The following CUL3 variants were observed in gnomAD, a reference collection of about 807,000 sequenced individuals.
The protein encoded by CUL3 is cullin-3.
In CUL3, 19 loss-of-function variants were observed where a neutral mutation model predicts 89.1. The observed-to-expected ratio is 0.21, with a 90% CI of 0.15 to 0.31. The LOEUF is 0.31. Among genes scored for constraint, CUL3 ranks in the 10% least tolerant of loss-of-function variants. CUL3 has a pLI of 1.00. For synonymous variants in CUL3, 351 were observed against 308.4 expected (o/e 1.14, Z -1.45); for missense variants, 469 against 942.3 (o/e 0.50, Z 6.58).
intron 1 of CUL3, among the ~76,000 whole-genome samples, chr2:224,562,438 G>T (rs2106312669): frequency 6.6e-6 from 1 of 152,092 alleles, no homozygotes; most frequent in East Asian, 1.9e-4. Flanking sequence ...GGGAGTTCGA[G>T]ACCAGCCTAG....
At chr2:224,488,923 T>C (rs1176450465) in intron 13 of CUL3, among the ~76,000 whole-genome samples, 1 of 152,168 alleles carries the variant, frequency 6.6e-6, no homozygotes, top group African/African-American at 2.4e-5. Flanking sequence ...CATAATCAAG[T>C]TGGCTTCATC....
intron 1 of CUL3, among the ~76,000 whole-genome samples, chr2:224,575,597 A>G (rs1695281124): frequency 6.6e-6 from 1 of 152,218 alleles, no homozygotes. Flanking sequence ...AACACCTTGC[A>G]TTTATGTATA....
intron 13 of CUL3, among the ~76,000 whole-genome samples, chr2:224,482,685 A>G (rs1330713840): frequency 6.6e-6 from 1 of 152,180 alleles, no homozygotes; most frequent in Non-Finnish European, 1.5e-5. Flanking sequence ...ATGAATAATG[A>G]TGTGAATGGT....
At position 224,562,232 on chromosome 2, in the gene CUL3, T is replaced by C. The variant is rs192029517; in HGVS notation, c.67-4376A>G. Among the ~76,000 whole-genome samples, 118 of 152,238 alleles carry C rather than the reference T, an allele frequency of 7.8e-4. 2 individuals carry two copies. Among genetic ancestry groups the C allele is most frequent in the Middle Eastern group, 3.4e-3 (1 of 294 alleles). Reference sequence around the variant, plus strand: ...CTGTTTTACTACACAAGGTTGTATGTAGTGCGTTTTTTTTTTCTTTTTAAA... The same window carrying C: ...CTGTTTTACTACACAAGGTTGTATGCAGTGCGTTTTTTTTTTCTTTTTAAA... On this transcript the variant is annotated intron_variant, in intron 1 of 15. Coordinates refer to ENST00000264414, the MANE Select transcript of CUL3 (RefSeq NM_003590.5).
At chr2:224,523,419 A>G (rs1693343965) in intron 3 of CUL3, among the ~76,000 whole-genome samples, 1 of 152,124 alleles carries the variant, frequency 6.6e-6, no homozygotes, top group African/African-American at 2.4e-5. Context: ...CAAAATAACA[A>G]GTTTTGACAA....
At chr2:224,532,092 C>G (rs1013160305) in intron 3 of CUL3, among the ~76,000 whole-genome samples, 1 of 152,166 alleles carries the variant, frequency 6.6e-6, no homozygotes, top group African/African-American at 2.4e-5. Flanking sequence ...ATTATGAGCT[C>G]ATTTGGACAT....
At chr2:224,476,155 T>C (rs951190663) in intron 15 of CUL3, among the ~76,000 whole-genome samples, 9 of 151,824 alleles carry the variant, frequency 5.9e-5, no homozygotes, top group East Asian at 1.9e-4. Context: ...TCCCGAGTAG[T>C]TGGGATTACA....
rs80149738 is a variant in CUL3, at chr2:224,514,010, C to T, written c.540-372G>A. Among the ~76,000 whole-genome samples the T allele has an allele frequency of 8.4e-3, 1,284 of 152,268 alleles. 15 individuals are homozygous for T. The highest frequency in any genetic ancestry group is 0.027 in the African/African-American group (1,104 of 41,546). ...CTGGGCAATATAACTTTTTGCACTA[C>T]ATGGATTTTGGACAATGCTGATCAA... On this transcript the variant is annotated intron_variant, in intron 4 of 15. Transcript: ENST00000264414.
chr2:224,527,141 T>C (rs1233753606), intron 3 of CUL3, among the ~76,000 whole-genome samples: 1 of 152,174 alleles, frequency 6.6e-6, no homozygotes, highest in Non-Finnish European at 1.5e-5. Flanking sequence ...AAAAGCAAAG[T>C]CAGTCAAAAT....
intron 1 of CUL3, among the ~76,000 whole-genome samples, chr2:224,582,233 C>T (rs1427966718): frequency 6.6e-6 from 1 of 152,218 alleles, no homozygotes; most frequent in Non-Finnish European, 1.5e-5. Flanking sequence ...TCCCAAAGTG[C>T]TGGGATCACA....
At chr2:224,569,055 G>A (rs747845612) in intron 1 of CUL3, among the ~76,000 whole-genome samples, 6 of 151,970 alleles carry the variant, frequency 3.9e-5, no homozygotes, top group Non-Finnish European at 7.4e-5. Context: ...TTCATTCCAG[G>A]AGCAATAAAA....
At position 224,549,002 on chromosome 2, in the gene CUL3, C is replaced by T. The variant is rs4673112; in HGVS notation, c.264+8657G>A. Among the ~76,000 whole-genome samples, 1,242 of 151,372 alleles carry T rather than the reference C, an allele frequency of 8.2e-3. 9 individuals carry two copies. The highest frequency in any genetic ancestry group is 0.029 in the African/African-American group (1,185 of 41,198). ...GGGAAACACAATAAGGCCTGGTCTC[C>T]AAAAAACAACAACAACAACAACAAC... is the stretch of plus-strand genomic sequence containing the variant. On this transcript the variant is annotated intron_variant, in intron 2 of 15. Coordinates refer to ENST00000264414, the MANE Select transcript of CUL3 (RefSeq NM_003590.5).
At chr2:224,577,296 C>T (rs894273627) in intron 1 of CUL3, among the ~76,000 whole-genome samples, 6 of 152,116 alleles carry the variant, frequency 3.9e-5, no homozygotes, top group African/African-American at 7.2e-5. Flanking sequence ...AGGCCGGGCG[C>T]GGTGGCTCAC....
At chr2:224,548,123 T>C (rs1301078596) in intron 2 of CUL3, among the ~76,000 whole-genome samples, 2 of 152,232 alleles carry the variant, frequency 1.3e-5, no homozygotes, top group Non-Finnish European at 2.9e-5. Flanking sequence ...CACTTGAAAC[T>C]TGAAACCATG....
At chr2:224,530,611 T>A (rs1379218903) in intron 3 of CUL3, among the ~76,000 whole-genome samples, 1 of 152,246 alleles carries the variant, frequency 6.6e-6, no homozygotes, top group African/African-American at 2.4e-5. Context: ...ACCTTAATTT[T>A]AAAATGCACT....
chr2:224,558,391 A>G (rs201949367), intron 1 of CUL3, among the ~76,000 whole-genome samples: 1 of 151,974 alleles, frequency 6.6e-6, no homozygotes, highest in Non-Finnish European at 1.5e-5. Context: ...ATTTTATACC[A>G]CCTCCTCCAT....
At chr2:224,556,646 C>G (rs1236179750) in intron 2 of CUL3, among the ~76,000 whole-genome samples, 1 of 152,064 alleles carries the variant, frequency 6.6e-6, no homozygotes, top group Non-Finnish European at 1.5e-5. Flanking sequence ...TTGGTGAAAT[C>G]TGAATAAGGA....
In CUL3 at chr2:224,585,214, A is replaced by G. The variant is rs1241844157; in HGVS notation, c.-205T>C. On this transcript the variant is annotated 5_prime_UTR_variant, in exon 1 of 16. Coordinates refer to ENST00000264414, the MANE Select transcript of CUL3 (RefSeq NM_003590.5). ...GGCGGCGGCGGCTCGGACTCTGGCG[A>G]CTCCGATGCGGCTGGGGGGCTGCGC... The G allele has an allele frequency of 2.7e-6, 1 of 365,916 alleles. No individual in the cohort carries two copies. 22.7% of individuals were successfully genotyped at this position (365,916 alleles called of 1,614,324 possible).
chr2:224,538,459 AAAAG>A (rs1442224924), intron 2 of CUL3, among the ~76,000 whole-genome samples: 1 of 152,230 alleles, frequency 6.6e-6, no homozygotes, highest in Admixed American at 6.5e-5. Context: ...AAAAAATTGA[AAAAG>A]AAAGCAAGCA....
Sources: gnomAD v4.1 joint callset for allele counts (sites outside exome capture counted in the v4.1 genomes callset) on GRCh38, gnomAD v4.1.1 for gene constraint, MANE v1.5 for transcripts, NCBI Gene and HGNC (gene_info 2026-07-23, HGNC 2026-07-21) for gene names.